The following WWC2 variants were observed in gnomAD, a reference collection of about 807,000 sequenced individuals.
The protein encoded by WWC2 is protein WWC2.
WWC2 carries 101 observed loss-of-function variants against 138.5 expected under a neutral mutation model. The observed-to-expected ratio is 0.73, with a 90% confidence interval of 0.62 to 0.86. WWC2 has a LOEUF of 0.86. Among genes scored for constraint, WWC2 ranks in the 40% least tolerant of loss-of-function variants. The pLI is 0.00. For missense variants in WWC2, 1,420 were observed against 1,419.4 expected (o/e 1.00, Z -0.01); for synonymous variants, 558 against 538.4 (o/e 1.04, Z -0.50).
At chr4:183,273,194 A>C (rs1376088006) in intron 16 of WWC2, among the ~76,000 whole-genome samples, 4 of 149,610 alleles carry the variant, frequency 2.7e-5, no homozygotes, top group African/African-American at 9.8e-5. Flanking sequence ...ATGACTAATG[A>C]TGGTGAGCAT....
chr4:183,190,040 G>A (rs183121559), intron 1 of WWC2, among the ~76,000 whole-genome samples: 155 of 152,316 alleles, frequency 1.0e-3, no homozygotes, highest in African/African-American at 2.7e-3. Context: ...AAGTGCTGCA[G>A]TAAATTACCG....
chr4:183,230,886 G>A (rs2309876), intron 4 of WWC2, among the ~76,000 whole-genome samples: 19,989 of 152,122 alleles, frequency 0.13, 1,659 homozygotes, highest in South Asian at 0.24. Context: ...TATTACATTT[G>A]AATTTTGAAG....
intron 4 of WWC2, among the ~76,000 whole-genome samples, chr4:183,225,580 A>G (rs113509760): frequency 1.1e-4 from 17 of 152,234 alleles, no homozygotes; most frequent in South Asian, 2.1e-4. Flanking sequence ...CGAGAAAACA[A>G]TGGGGGAGTA....
chr4:183,160,227 CACAG>C (rs2111138100), intron 1 of WWC2, among the ~76,000 whole-genome samples: 1 of 152,340 alleles, frequency 6.6e-6, no homozygotes, highest in Admixed American at 6.5e-5. Context: ...TCAGTTCATA[CACAG>C]ACAGCAAAGT....
intron 4 of WWC2, among the ~76,000 whole-genome samples, chr4:183,215,239 G>A (rs1735722277): frequency 6.6e-6 from 1 of 152,222 alleles, no homozygotes; most frequent in Admixed American, 6.5e-5. Flanking sequence ...TTATGTGGAT[G>A]TGGTCTCTCT....
At position 183,286,099 on chromosome 4, in the gene WWC2, A is replaced by C. The variant is rs1302458400; in HGVS notation, c.3141+40A>C. 3 of 1,526,172 alleles carry C rather than the reference A, an allele frequency of 2.0e-6. No homozygotes were observed. In the African/African-American group the frequency reaches 4.1e-5, roughly 21 times the overall value. The allele number at this position is 1,526,172 out of a possible 1,614,324, so 94.5% of individuals were successfully genotyped here. A position where few individuals can be genotyped will look rare whatever the true frequency, so the allele number is the denominator to read the frequency against. ...AGCCACGTCCCACTGTCCCTGGACC[A>C]GTCCAGAATTGTCACTTGTGCAGCA... On this transcript the variant is annotated intron_variant, in intron 20 of 22. Transcript: ENST00000403733.
intron 1 of WWC2, among the ~76,000 whole-genome samples, chr4:183,152,335 C>T (rs1474237684): frequency 6.6e-6 from 1 of 151,250 alleles, no homozygotes; most frequent in East Asian, 2.0e-4. Context: ...CCTGTCTCTA[C>T]AAAAAATAAA....
At position 183,240,202 on chromosome 4, in the gene WWC2, A is replaced by G; in HGVS notation, c.542A>G (p.Glu181Gly). Residue 181 changes from glutamate to glycine, a missense_variant, in exon 5 of 23, where the codon GAG becomes GGG. Transcript: ENST00000403733. ...TRLRVKKLKR[E>G]LSQMKQELLY... is the part of the protein sequence containing the mutation. ...TTAAAGGTTAAAAAGCTAAAGAGAG[A>G]GCTCTCACAGATGAAGCAGGAACTG... The G allele has an allele frequency of 6.4e-7, 1 of 1,550,766 alleles. No individual in the cohort carries two copies. The highest frequency in any genetic ancestry group is 1.2e-5 in the South Asian group (1 of 83,004).
intron 21 of WWC2, among the ~76,000 whole-genome samples, chr4:183,299,496 ACT>A (rs1393821890): frequency 7.2e-5 from 11 of 152,048 alleles, no homozygotes; most frequent in African/African-American, 2.7e-4. Flanking sequence ...ATTTTTAACA[ACT>A]CTGTGGATAC....
chr4:183,205,208 C>T (rs1045573832), intron 2 of WWC2, among the ~76,000 whole-genome samples: 9 of 152,308 alleles, frequency 5.9e-5, no homozygotes, highest in Non-Finnish European at 1.3e-4. Flanking sequence ...AATTGCACCA[C>T]ATCCTCTTCA....
At chr4:183,272,653 C>T (rs1286831719) in intron 16 of WWC2, among the ~76,000 whole-genome samples, 2 of 152,228 alleles carry the variant, frequency 1.3e-5, no homozygotes. Context: ...AAGGCAACCA[C>T]TCATCCCTGT....
intron 4 of WWC2, among the ~76,000 whole-genome samples, chr4:183,215,665 T>C (rs1336347064): frequency 6.6e-6 from 1 of 152,214 alleles, no homozygotes; most frequent in Non-Finnish European, 1.5e-5. Flanking sequence ...CTCTATGAGT[T>C]TGGCCTCCTT....
At chr4:183,110,432 ATTT>A (rs545128013) in intron 1 of WWC2, among the ~76,000 whole-genome samples, 18 of 117,374 alleles carry the variant, frequency 1.5e-4, no homozygotes, top group Admixed American at 3.6e-4. Flanking sequence ...CTGTAGAGCT[ATTT>A]TTTTTTTTTT....
intron 1 of WWC2, among the ~76,000 whole-genome samples, chr4:183,183,707 G>C (rs1734710270): frequency 6.6e-6 from 1 of 150,692 alleles, no homozygotes; most frequent in South Asian, 2.1e-4. Context: ...CAGCCCGGGA[G>C]GTTGAGGCTG....
chr4:183,137,610 C>T (rs1333961401), intron 1 of WWC2, among the ~76,000 whole-genome samples: 1 of 152,062 alleles, frequency 6.6e-6, no homozygotes, highest in Non-Finnish European at 1.5e-5. Context: ...ACAATCCTCC[C>T]ACTTCAGGCT....
chr4:183,172,556 G>GTTTTTTTTTTTT (rs61599876), intron 1 of WWC2, among the ~76,000 whole-genome samples: 9 of 113,026 alleles, frequency 8.0e-5, no homozygotes, highest in Non-Finnish European at 1.3e-4. Flanking sequence ...TATGTTTCTT[G>GTTTTTTTTTTTT]TTTTTTTTTT....
At position 183,249,975 on chromosome 4, in the gene WWC2, A is replaced by G. The variant is rs746423953; in HGVS notation, c.935A>G (p.Tyr312Cys). 8.1e-6 allele frequency: 13 copies of G among 1,613,694 alleles called. No individual in the cohort carries two copies. The highest frequency in any genetic ancestry group is 1.6e-4 in the Middle Eastern group (1 of 6,084). The change falls in exon 8 of 23, where the codon TAT (tyrosine) becomes TGT (cysteine). Residue 312 changes from tyrosine to cysteine, a missense_variant. Coordinates refer to ENST00000403733, the MANE Select transcript of WWC2 (RefSeq NM_024949.6). ...LAEKVRLSLQ[Y>C]EEAKRSMANL... ...GAAAAGGTCAGGCTAAGCCTACAGT[A>G]TGAAGAAGCCAAAAGAAGGTAATGA...
intron 1 of WWC2, among the ~76,000 whole-genome samples, chr4:183,147,411 A>G (rs560941190): frequency 1.3e-5 from 2 of 152,272 alleles, no homozygotes; most frequent in East Asian, 1.9e-4. Flanking sequence ...TATTTTCTCT[A>G]CAAGTCGCTG....
At chr4:183,291,700 G>T (rs1235783982) in intron 21 of WWC2, among the ~76,000 whole-genome samples, 1 of 151,946 alleles carries the variant, frequency 6.6e-6, no homozygotes, top group Non-Finnish European at 1.5e-5. Flanking sequence ...AAAACTATAG[G>T]ACTTAAATTT....
Sources: allele counts gnomAD v4.1 joint callset (sites outside exome capture counted in the v4.1 genomes callset), GRCh38; gene constraint gnomAD v4.1.1; transcripts MANE v1.5; gene names NCBI Gene and HGNC (gene_info 2026-07-23, HGNC 2026-07-21).